PDE4D: variants seen among roughly 807,000 people sequenced by gnomAD.
The protein encoded by PDE4D is phosphodiesterase 4D.
Under a neutral mutation model 87.4 loss-of-function variants are expected in PDE4D, and 24 were observed. The ratio of observed to expected loss-of-function variants is 0.27; its 90% CI spans 0.20 to 0.39. The LOEUF is 0.39. Ranked by LOEUF, PDE4D falls within the 10% of genes least tolerant of loss-of-function variation. The pLI is 1.00. For missense variants in PDE4D, 714 were observed against 1,041.0 expected (o/e 0.69, Z 4.32); for synonymous variants, 384 against 383.2 (o/e 1.00, Z -0.02).
At chr5:60,194,523 A>T (rs371280004) in intron 1 of PDE4D, among the ~76,000 whole-genome samples, 5 of 151,704 alleles carry the variant, frequency 3.3e-5, no homozygotes, top group African/African-American at 1.2e-4. Flanking sequence ...TAAAATGCAG[A>T]TGGCTGACTC....
intron 1 of PDE4D, among the ~76,000 whole-genome samples, chr5:59,693,480 C>A (rs1210114708): frequency 6.6e-6 from 1 of 152,096 alleles, no homozygotes; most frequent in Non-Finnish European, 1.5e-5. Context: ...GTTTCAAGAT[C>A]AAACTGGACA....
At chr5:60,121,265 G>C (rs1206968062) in intron 2 of PDE4D, among the ~76,000 whole-genome samples, 1 of 151,692 alleles carries the variant, frequency 6.6e-6, no homozygotes, top group Non-Finnish European at 1.5e-5. Flanking sequence ...CCCACTTTAG[G>C]GGATGAGGAA....
At chr5:60,229,955 C>T (rs1178466989) in intron 1 of PDE4D, among the ~76,000 whole-genome samples, 1 of 152,078 alleles carries the variant, frequency 6.6e-6, no homozygotes, top group East Asian at 1.9e-4. Context: ...GCAGTTTAGC[C>T]TCCTCACAGA....
intron 1 of PDE4D, among the ~76,000 whole-genome samples, chr5:59,841,678 C>T (rs974877394): frequency 4.0e-5 from 6 of 151,844 alleles, no homozygotes; most frequent in African/African-American, 7.3e-5. Flanking sequence ...GAGGAATACA[C>T]GGGACACCAG....
intron 5 of PDE4D, among the ~76,000 whole-genome samples, chr5:59,107,364 A>T (rs1771785586): frequency 6.6e-6 from 1 of 152,078 alleles, no homozygotes; most frequent in African/African-American, 2.4e-5. Flanking sequence ...ATTCACCACC[A>T]TGTCTGGCTA....
At chr5:60,043,015 T>TTCTA (rs1768702499) in intron 2 of PDE4D, among the ~76,000 whole-genome samples, 1 of 151,976 alleles carries the variant, frequency 6.6e-6, no homozygotes. Context: ...AAGAAGCATG[T>TTCTA]TCTAACCCAA....
At chr5:59,844,016 C>T (rs573972023) in intron 1 of PDE4D, among the ~76,000 whole-genome samples, 1 of 152,184 alleles carries the variant, frequency 6.6e-6, no homozygotes, top group South Asian at 2.1e-4. Flanking sequence ...CTGTTATACT[C>T]ACCACCCTTG....
chr5:58,978,886 A>G (rs1744452317), intron 11 of PDE4D, among the ~76,000 whole-genome samples: 1 of 152,186 alleles, frequency 6.6e-6, no homozygotes, highest in South Asian at 2.1e-4. Flanking sequence ...AAAATTTAAA[A>G]CTATATAGGT....
At chr5:59,873,394 C>A (rs1748110406) in intron 1 of PDE4D, among the ~76,000 whole-genome samples, 1 of 152,144 alleles carries the variant, frequency 6.6e-6, no homozygotes, top group South Asian at 2.1e-4. Context: ...AGAAAAGTGT[C>A]AGAGCTGCTA....
chr5:59,575,806 G>A (rs73099639), intron 1 of PDE4D, among the ~76,000 whole-genome samples: 3,309 of 152,236 alleles, frequency 0.022, 115 homozygotes, highest in African/African-American at 0.075. Flanking sequence ...CAGGGCCTGA[G>A]TAAGACAGTC....
intron 4 of PDE4D, among the ~76,000 whole-genome samples, chr5:59,184,909 T>A (rs960274738): frequency 6.6e-6 from 1 of 152,160 alleles, no homozygotes; most frequent in Non-Finnish European, 1.5e-5. Flanking sequence ...AACTATAAAG[T>A]TACCCTGAGT....
intron 2 of PDE4D, among the ~76,000 whole-genome samples, chr5:59,200,012 T>C (rs984741100): frequency 2.4e-5 from 3 of 125,452 alleles, no homozygotes; most frequent in Non-Finnish European, 3.7e-5. Context: ...GCAACATACA[T>C]ACATGCACAT....
intron 5 of PDE4D, among the ~76,000 whole-genome samples, chr5:59,049,102 C>A (rs964489310): frequency 6.6e-6 from 1 of 152,134 alleles, no homozygotes; most frequent in African/African-American, 2.4e-5. Flanking sequence ...TAAGACTATC[C>A]CATCCAAGAC....
At chr5:59,105,275 A>C (rs1771408063) in intron 5 of PDE4D, among the ~76,000 whole-genome samples, 1 of 152,162 alleles carries the variant, frequency 6.6e-6, no homozygotes, top group Admixed American at 6.5e-5. Flanking sequence ...TTGTAAACTG[A>C]ATTTTTCCAA....
chr5:60,382,963 A>G (rs1248301732), intron 1 of PDE4D, among the ~76,000 whole-genome samples: 1 of 152,114 alleles, frequency 6.6e-6, no homozygotes, highest in African/African-American at 2.4e-5. Flanking sequence ...TAGTGTCTCA[A>G]AAGCTCCCCC....
intron 1 of PDE4D, among the ~76,000 whole-genome samples, chr5:59,778,763 G>A (rs926656201): frequency 7.9e-5 from 12 of 152,270 alleles, no homozygotes; most frequent in Middle Eastern, 3.4e-3. Context: ...TGATTTTGCC[G>A]TTTGTTTTAC....
At chr5:60,147,367 C>T (rs1280982568) in intron 2 of PDE4D, among the ~76,000 whole-genome samples, 6 of 132,934 alleles carry the variant, frequency 4.5e-5, no homozygotes, top group African/African-American at 5.6e-5. Flanking sequence ...CAAGTGCTGG[C>T]GGTGAATGGG....
At chr5:60,324,632 C>T (rs547095814) in intron 1 of PDE4D, among the ~76,000 whole-genome samples, 4 of 152,268 alleles carry the variant, frequency 2.6e-5, no homozygotes, top group South Asian at 2.1e-4. Flanking sequence ...AGCGAGACTC[C>T]GTCTCAAAAC....
chr5:60,208,087 C>T (rs1202635433), intron 1 of PDE4D, among the ~76,000 whole-genome samples: 1 of 152,142 alleles, frequency 6.6e-6, no homozygotes, highest in African/African-American at 2.4e-5. Flanking sequence ...AAAGAAAAAC[C>T]TCTATATTCA....
Sources: gnomAD v4.1 joint callset for allele counts (sites outside exome capture counted in the v4.1 genomes callset) on GRCh38, gnomAD v4.1.1 for gene constraint, MANE v1.5 for transcripts, NCBI Gene and HGNC (gene_info 2026-07-23, HGNC 2026-07-21) for gene names.